Variants in SPOCK3 observed in about 807,000 individuals in gnomAD.
SPOCK3 encodes SPARC (osteonectin), cwcv and kazal like domains proteoglycan 3.
In SPOCK3, 30 loss-of-function variants were observed where a neutral mutation model predicts 56.6. The observed-to-expected ratio is 0.53, with a 90% CI of 0.40 to 0.72. The LOEUF (loss-of-function observed/expected upper bound fraction) is 0.72. Ranked by LOEUF, SPOCK3 falls within the 30% of genes least tolerant of loss-of-function variation. The pLI, the probability that SPOCK3 is intolerant of heterozygous loss-of-function variation, is 0.00. For synonymous variants in SPOCK3, 196 were observed against 183.3 expected, an observed-to-expected ratio of 1.07 and a Z score of -0.56; for missense variants, 527 against 530.0, an observed-to-expected ratio of 0.99 and a Z score of 0.06.
intron 2 of SPOCK3, among the ~76,000 whole-genome samples, chr4:167,154,401 A>T (rs187583154): frequency 6.6e-6 from 1 of 152,280 alleles, no homozygotes; most frequent in East Asian, 1.9e-4. Context: ...GCATACATGC[A>T]GAATGAGTGT....
Position 166,862,519 on chromosome 4 carries a change from A to G in SPOCK3, c.589+26611T>C, listed in dbSNP as rs184437764. On this transcript the variant is annotated intron_variant, in intron 6 of 10. Coordinates refer to ENST00000357545, the MANE Select transcript of SPOCK3 (RefSeq NM_001040159.2). ...CTAACTTTTTTATCTTACATTACAA[A>G]ATAATCTAAACTTTAAACATTTTAA... Among the ~76,000 whole-genome samples, 12 of 152,190 alleles carry G rather than the reference A, an allele frequency of 7.9e-5. No homozygotes were observed. The East Asian group carries it at 2.1e-3, about 27-fold the overall frequency.
intron 3 of SPOCK3, among the ~76,000 whole-genome samples, chr4:167,003,362 C>A (rs182504038): frequency 5.8e-4 from 88 of 152,302 alleles, no homozygotes; most frequent in Admixed American, 3.7e-3. Flanking sequence ...AGACCACTTT[C>A]TGTGCATGAG....
intron 4 of SPOCK3, among the ~76,000 whole-genome samples, chr4:166,916,568 A>T (rs534689732): frequency 7.9e-5 from 12 of 152,324 alleles, no homozygotes; most frequent in Admixed American, 6.5e-4. Context: ...TTAACAAAAT[A>T]ATTTGAACAA....
intron 3 of SPOCK3, among the ~76,000 whole-genome samples, chr4:167,054,377 T>C (rs970495615): frequency 6.6e-6 from 1 of 152,236 alleles, no homozygotes; most frequent in African/African-American, 2.4e-5. Context: ...ATCTTTATCA[T>C]GCTACCACCT....
At chr4:167,186,140 A>G (rs528921444) in intron 2 of SPOCK3, among the ~76,000 whole-genome samples, 1 of 152,326 alleles carries the variant, frequency 6.6e-6, no homozygotes, top group African/African-American at 2.4e-5. Context: ...GTTTTTCAGA[A>G]AAACAAAATC....
At position 167,186,197 on chromosome 4, in the gene SPOCK3, C is replaced by T. The variant is rs17600354; in HGVS notation, c.189+47788G>A. On this transcript the variant is annotated intron_variant, in intron 2 of 10. Coordinates refer to ENST00000357545, the MANE Select transcript of SPOCK3 (RefSeq NM_001040159.2). ...AATATTATACCTGGATATTACAACT[C>T]AACTAGAAACCTAAGTGCAAAATTA... Among the ~76,000 whole-genome samples, 521 of 152,232 alleles carry T rather than the reference C, an allele frequency of 3.4e-3. 2 individuals are homozygous for T. Among genetic ancestry groups the T allele is most frequent in the Non-Finnish European group, 5.8e-3 (392 of 68,016 alleles).
chr4:167,142,336 C>T (rs976534557), intron 2 of SPOCK3, among the ~76,000 whole-genome samples: 2 of 151,622 alleles, frequency 1.3e-5, no homozygotes, highest in African/African-American at 4.8e-5. Context: ...TAGGTTGATG[C>T]AGTAAGATTC....
intron 6 of SPOCK3, among the ~76,000 whole-genome samples, chr4:166,861,320 A>G (rs1444620207): frequency 6.6e-6 from 1 of 151,606 alleles, no homozygotes. Context: ...CAACCAGTCA[A>G]TCTCTCTCTC....
At chr4:166,847,660 T>TAC (rs1376904827) in intron 6 of SPOCK3, among the ~76,000 whole-genome samples, 1 of 96,164 alleles carries the variant, frequency 1.0e-5, no homozygotes, top group African/African-American at 5.3e-5. Flanking sequence ...TATATATATA[T>TAC]ATATATATAT....
At chr4:167,233,859 G>C in intron 2 of SPOCK3, 126 bp downstream of exon 2, 1 of 801,810 alleles carries the variant, frequency 1.2e-6, no homozygotes, top group South Asian at 1.6e-5. Context: ...GCCCTGCGCC[G>C]CCGCGTTTCC....
chr4:167,000,205 T>C (rs1014253082), intron 4 of SPOCK3, 144 bp downstream of exon 4: 13 of 449,468 alleles, frequency 2.9e-5, no homozygotes, highest in Non-Finnish European at 4.3e-5. Context: ...AAGTGAATCA[T>C]AATTGTATTA....
intron 6 of SPOCK3, among the ~76,000 whole-genome samples, chr4:166,868,287 AAAAAG>A (rs1291375678): frequency 7.5e-6 from 1 of 132,736 alleles, no homozygotes; most frequent in African/African-American, 2.7e-5. Context: ...CTCTACAAAA[AAAAAG>A]AAAAGAAAAG....
intron 3 of SPOCK3, among the ~76,000 whole-genome samples, chr4:167,020,984 C>T (rs907302617): frequency 1.3e-5 from 2 of 151,962 alleles, no homozygotes; most frequent in African/African-American, 2.4e-5. Flanking sequence ...TGGAAATATA[C>T]TGTTAGATTC....
At chr4:167,177,016 C>G (rs533641708) in intron 2 of SPOCK3, among the ~76,000 whole-genome samples, 1 of 152,054 alleles carries the variant, frequency 6.6e-6, no homozygotes, top group East Asian at 1.9e-4. Flanking sequence ...TCAAGATAGC[C>G]CCAATTTTAT....
chr4:167,136,447 C>G (rs1055550336), intron 2 of SPOCK3, among the ~76,000 whole-genome samples: 2 of 152,030 alleles, frequency 1.3e-5, no homozygotes, highest in Non-Finnish European at 2.9e-5. Flanking sequence ...TAAAAGTACT[C>G]AAGTGGTCAA....
chr4:167,217,272 T>C (rs1735453512), intron 2 of SPOCK3, among the ~76,000 whole-genome samples: 2 of 152,078 alleles, frequency 1.3e-5, no homozygotes, highest in South Asian at 4.1e-4. Context: ...GAATTTCACG[T>C]CCATGCATTC....
At chr4:167,041,492 C>A (rs1231854504) in intron 3 of SPOCK3, among the ~76,000 whole-genome samples, 1 of 152,074 alleles carries the variant, frequency 6.6e-6, no homozygotes, top group Admixed American at 6.6e-5. Context: ...GTAATCTGTG[C>A]AAATCAAACC....
chr4:167,068,633 CT>C (rs1756386254), intron 2 of SPOCK3, among the ~76,000 whole-genome samples: 1 of 151,824 alleles, frequency 6.6e-6, no homozygotes, highest in Admixed American at 6.6e-5. Flanking sequence ...TGACCCTTGA[CT>C]TCTGATGCCA....
chr4:166,928,945 G>A (rs762562876), intron 4 of SPOCK3, among the ~76,000 whole-genome samples: 2 of 151,904 alleles, frequency 1.3e-5, no homozygotes, highest in Non-Finnish European at 2.9e-5. Context: ...TCCAGCCTGG[G>A]CGATAGAGTG....
Sources: allele counts gnomAD v4.1 joint callset (sites outside exome capture counted in the v4.1 genomes callset), GRCh38; gene constraint gnomAD v4.1.1; transcripts MANE v1.5; gene names NCBI Gene and HGNC (gene_info 2026-07-23, HGNC 2026-07-21).